The following CHN2 variants were observed in gnomAD, a reference collection of about 807,000 sequenced individuals.
CHN2 encodes chimerin 2.
CHN2 carries 35 observed loss-of-function variants against 56.3 expected under a neutral mutation model. The ratio of observed to expected loss-of-function variants is 0.62; its 90% confidence interval spans 0.47 to 0.82. CHN2 has a LOEUF of 0.82. Among genes scored for constraint, CHN2 ranks in the 40% least tolerant of loss-of-function variants. The pLI, the probability that CHN2 is intolerant of heterozygous loss-of-function variation, is 0.00. For missense variants in CHN2, 491 were observed against 580.5 expected (o/e 0.85, Z 1.58); for synonymous variants, 210 against 212.8 (o/e 0.99, Z 0.12).
intron 1 of CHN2, among the ~76,000 whole-genome samples, chr7:29,304,840 G>A (rs987429740): frequency 5.3e-5 from 8 of 152,292 alleles, no homozygotes; most frequent in South Asian, 4.1e-4. Flanking sequence ...AATAAGTGTC[G>A]TCTGCATTTT....
At chr7:29,325,815 G>A (rs1795755178) in intron 1 of CHN2, among the ~76,000 whole-genome samples, 1 of 152,156 alleles carries the variant, frequency 6.6e-6, no homozygotes, top group African/African-American at 2.4e-5. Flanking sequence ...TTTCTTTAGG[G>A]GAAATGCTCC....
chr7:29,217,500 T>G (rs917264543), intron 1 of CHN2, among the ~76,000 whole-genome samples: 5 of 152,220 alleles, frequency 3.3e-5, no homozygotes. Context: ...CTTGGCACTT[T>G]TGTTAGCTGA....
intron 1 of CHN2, among the ~76,000 whole-genome samples, chr7:29,293,821 T>C (rs1792878592): frequency 6.6e-6 from 1 of 151,678 alleles, no homozygotes; most frequent in African/African-American, 2.4e-5. Context: ...TCATTTATTG[T>C]CAGTCTCTGT....
chr7:29,447,763 G>T (rs947032360), intron 6 of CHN2, among the ~76,000 whole-genome samples: 33 of 152,168 alleles, frequency 2.2e-4, no homozygotes, highest in Admixed American at 1.2e-3. Flanking sequence ...AACATGATAT[G>T]TGATATGAGT....
At chr7:29,390,878 T>A (rs1324709691) in intron 3 of CHN2, among the ~76,000 whole-genome samples, 1 of 152,180 alleles carries the variant, frequency 6.6e-6, no homozygotes. Context: ...TTTCTGGATC[T>A]GAGGATCCAG....
At chr7:29,227,123 C>T (rs151083613) in intron 1 of CHN2, among the ~76,000 whole-genome samples, 24 of 152,290 alleles carry the variant, frequency 1.6e-4, no homozygotes, top group African/African-American at 5.8e-4. Context: ...TACTGCAGAC[C>T]ATGTGTTTCA....
intron 6 of CHN2, among the ~76,000 whole-genome samples, chr7:29,432,724 C>G (rs191315299): frequency 6.6e-6 from 1 of 152,250 alleles, no homozygotes; most frequent in Admixed American, 6.5e-5. Context: ...TTATAATGAT[C>G]CCTGGATTAT....
intron 3 of CHN2, among the ~76,000 whole-genome samples, chr7:29,372,474 C>G: frequency 6.6e-6 from 1 of 152,130 alleles, no homozygotes; most frequent in Non-Finnish European, 1.5e-5. Context: ...TTGATTGTTG[C>G]TTGTATATGC....
At chr7:29,336,363 G>A (rs1349816924) in intron 1 of CHN2, among the ~76,000 whole-genome samples, 1 of 152,158 alleles carries the variant, frequency 6.6e-6, no homozygotes, top group Non-Finnish European at 1.5e-5. Flanking sequence ...TGTAATCCCA[G>A]CACTTCGGGA....
At chr7:29,278,507 A>G (rs1474363010) in intron 1 of CHN2, among the ~76,000 whole-genome samples, 4 of 151,758 alleles carry the variant, frequency 2.6e-5, no homozygotes, top group African/African-American at 9.7e-5. Context: ...CAGTTTGCCA[A>G]TGACTGATCA....
chr7:29,284,038 T>C (rs770026631), intron 1 of CHN2, among the ~76,000 whole-genome samples: 3 of 147,360 alleles, frequency 2.0e-5, no homozygotes, highest in Non-Finnish European at 3.0e-5. Flanking sequence ...TCCCTCCCTG[T>C]CTGTAGCTGG....
chr7:29,430,489 T>G (rs1281724648), intron 6 of CHN2, among the ~76,000 whole-genome samples: 1 of 152,198 alleles, frequency 6.6e-6, no homozygotes, highest in Non-Finnish European at 1.5e-5. Flanking sequence ...AAGAAAGTGT[T>G]GCACAGAAAA....
chr7:29,268,575 G>A (rs1320691422), intron 1 of CHN2, among the ~76,000 whole-genome samples: 1 of 148,848 alleles, frequency 6.7e-6, no homozygotes, highest in Admixed American at 6.6e-5. Context: ...AATTCCCAGG[G>A]AAGGCTTTTC....
At chr7:29,490,017 T>C (rs941479175) in intron 7 of CHN2, among the ~76,000 whole-genome samples, 5 of 152,158 alleles carry the variant, frequency 3.3e-5, no homozygotes, top group African/African-American at 1.2e-4. Context: ...TTTCTAAATA[T>C]TGCATTTTCA....
chr7:29,252,842 G>A (rs553559748), intron 1 of CHN2, among the ~76,000 whole-genome samples: 2 of 148,136 alleles, frequency 1.4e-5, no homozygotes, highest in South Asian at 2.1e-4. Flanking sequence ...TGATCCACCC[G>A]CCTCGGCCTC....
intron 6 of CHN2, among the ~76,000 whole-genome samples, chr7:29,474,443 C>A (rs722611): frequency 0.82 from 125,045 of 152,150 alleles, 51,962 homozygotes; most frequent in African/African-American, 0.95. Flanking sequence ...GAACTTTTCC[C>A]GGCTTTTGAT....
chr7:29,176,501 G>C (rs1336923970), intron 2 of CHN2, among the ~76,000 whole-genome samples: 1 of 152,134 alleles, frequency 6.6e-6, no homozygotes, highest in African/African-American at 2.4e-5. Flanking sequence ...TTAACTGTCA[G>C]CTTGAATCCT....
chr7:29,409,331 G>T (rs989049066), intron 6 of CHN2, among the ~76,000 whole-genome samples: 2 of 152,102 alleles, frequency 1.3e-5, no homozygotes, highest in African/African-American at 4.8e-5. Context: ...AAGTAAAATA[G>T]AAAAATCTAA....
intron 1 of CHN2, among the ~76,000 whole-genome samples, chr7:29,264,523 T>C (rs1789951131): frequency 6.6e-6 from 1 of 152,198 alleles, no homozygotes; most frequent in African/African-American, 2.4e-5. Flanking sequence ...CCCAACCCCG[T>C]GCTCTCTGAA....
Sources: allele counts gnomAD v4.1 joint callset (sites outside exome capture counted in the v4.1 genomes callset), GRCh38; gene constraint gnomAD v4.1.1; transcripts MANE v1.5; gene names NCBI Gene and HGNC (gene_info 2026-07-23, HGNC 2026-07-21).